The following TPRG1 variants were observed in gnomAD, a reference collection of about 807,000 sequenced individuals.
TPRG1 encodes the protein tumor protein p63-regulated gene 1 protein.
TPRG1 carries 29 observed loss-of-function variants against 29.3 expected under a neutral mutation model. The observed-to-expected ratio is 0.99, with a 90% CI of 0.74 to 1.35. TPRG1 has a LOEUF of 1.35. Ranked by LOEUF, TPRG1 falls within the 40% of genes most tolerant of loss-of-function variation. The pLI is 0.00. For missense variants in TPRG1, 327 were observed against 335.0 expected, an observed-to-expected ratio of 0.98 and a Z score of 0.19; for synonymous variants, 130 against 116.8, an observed-to-expected ratio of 1.11 and a Z score of -0.73.
rs184327383 is a variant in TPRG1 at position 189,022,913 on chromosome 3, C to G, written c.-659-837C>G. 1.6e-4 allele frequency among the ~76,000 whole-genome samples: 24 copies of G among 151,844 alleles called. No homozygotes were observed. The South Asian group carries it at 2.5e-3, about 16-fold the overall frequency. On this transcript the variant is annotated intron_variant, in intron 3 of 10. Coordinates refer to the TPRG1 transcript ENST00000433971. Reference sequence around the variant, plus strand: ...GGGTAGGACCCTCCGAGCCAGGTGCCGGATATAATCTCATGGTGCGCAGTT... The same window carrying G: ...GGGTAGGACCCTCCGAGCCAGGTGCGGGATATAATCTCATGGTGCGCAGTT...
chr3:189,223,842 A>T (rs976663006), intron 3 of TPRG1, among the ~76,000 whole-genome samples: 5 of 152,202 alleles, frequency 3.3e-5, no homozygotes, highest in Non-Finnish European at 7.3e-5. Flanking sequence ...TATGTCATGT[A>T]AGAGTTGGCT....
At chr3:189,126,693 T>C (rs1471909863) in intron 1 of TPRG1, among the ~76,000 whole-genome samples, 1 of 152,210 alleles carries the variant, frequency 6.6e-6, no homozygotes, top group Non-Finnish European at 1.5e-5. Context: ...ATCTACTCAT[T>C]GTTCAAATGG....
chr3:189,293,041 G>A (rs142818435), intron 4 of TPRG1, among the ~76,000 whole-genome samples: 1 of 152,296 alleles, frequency 6.6e-6, no homozygotes, highest in African/African-American at 2.4e-5. Context: ...GGCAACCTCC[G>A]TTTCAGAGCT....
intron 4 of TPRG1, among the ~76,000 whole-genome samples, chr3:189,303,692 A>G (rs1182645301): frequency 1.3e-5 from 2 of 152,230 alleles, no homozygotes; most frequent in East Asian, 3.8e-4. Flanking sequence ...AGTGGTTTCT[A>G]TGTACCTGGC....
chr3:189,221,968 G>A (rs1737004432), intron 3 of TPRG1, among the ~76,000 whole-genome samples: 1 of 111,120 alleles, frequency 9.0e-6, no homozygotes, highest in Non-Finnish European at 2.0e-5. Context: ...GCTGCCTTTT[G>A]TGATTTTTTT....
At chr3:189,225,027 G>A (rs1737514423) in intron 3 of TPRG1, among the ~76,000 whole-genome samples, 1 of 151,462 alleles carries the variant, frequency 6.6e-6, no homozygotes, top group African/African-American at 2.4e-5. Context: ...TGCCTCCTGG[G>A]TTCACGCCAT....
At chr3:189,152,831 TACCTG>T (rs1335582827) in intron 5 of TPRG1, among the ~76,000 whole-genome samples, 8 of 151,304 alleles carry the variant, frequency 5.3e-5, no homozygotes, top group African/African-American at 7.3e-5. Context: ...GTAGGATTGC[TACCTG>T]CCATTATTAT....
upstream of TPRG1, among the ~76,000 whole-genome samples, chr3:189,096,263 C>T (rs569154620): frequency 5.3e-5 from 8 of 152,192 alleles, no homozygotes; most frequent in Non-Finnish European, 1.2e-4. Context: ...CACCCCATCA[C>T]TACTGTCTTT....
At chr3:189,175,425 G>T (rs1271618503) in intron 1 of TPRG1, among the ~76,000 whole-genome samples, 1 of 152,236 alleles carries the variant, frequency 6.6e-6, no homozygotes, top group Admixed American at 6.5e-5. Flanking sequence ...GAGGCCAGAA[G>T]TCTGGGTCTT....
intron 4 of TPRG1, among the ~76,000 whole-genome samples, chr3:189,028,270 G>T (rs904062927): frequency 1.1e-4 from 16 of 152,202 alleles, no homozygotes; most frequent in Non-Finnish European, 2.1e-4. Context: ...TGCCCTATTT[G>T]CCACCCAAGA....
intron 3 of TPRG1, among the ~76,000 whole-genome samples, chr3:189,135,956 T>G (rs1341269620): frequency 6.6e-6 from 1 of 152,206 alleles, no homozygotes; most frequent in Non-Finnish European, 1.5e-5. Flanking sequence ...TCCCAGTACA[T>G]TGGCATAACC....
At chr3:189,193,060 G>T in intron 1 of TPRG1, among the ~76,000 whole-genome samples, 1 of 151,012 alleles carries the variant, frequency 6.6e-6, no homozygotes, top group African/African-American at 2.4e-5. Flanking sequence ...AGTCTTACAG[G>T]GATTCTCTTA....
chr3:189,107,189 C>A (rs1719926201), intron 1 of TPRG1, among the ~76,000 whole-genome samples: 1 of 151,998 alleles, frequency 6.6e-6, no homozygotes, highest in African/African-American at 2.4e-5. Flanking sequence ...GACTTCTTTT[C>A]TTTAGGTGAC....
At chr3:189,268,939 T>C (rs1576907012) in intron 4 of TPRG1, among the ~76,000 whole-genome samples, 1 of 152,224 alleles carries the variant, frequency 6.6e-6, no homozygotes, top group African/African-American at 2.4e-5. Context: ...TTTTCAAGCC[T>C]TGTCAATTTA....
chr3:189,273,923 T>C (rs1715654977), intron 4 of TPRG1, among the ~76,000 whole-genome samples: 1 of 152,194 alleles, frequency 6.6e-6, no homozygotes, highest in Admixed American at 6.6e-5. Context: ...CCCCCAGGTA[T>C]GTTGCCATTG....
At chr3:189,066,404 A>G (rs75248934) in intron 4 of TPRG1, among the ~76,000 whole-genome samples, 5,528 of 152,182 alleles carry the variant, frequency 0.036, 327 homozygotes, top group African/African-American at 0.13. Context: ...ATAAACATTG[A>G]GCAGAAATTC....
intron 1 of TPRG1, among the ~76,000 whole-genome samples, chr3:189,186,985 G>GTT (rs397875585): frequency 0.15 from 13,283 of 88,442 alleles, 1,982 homozygotes; most frequent in African/African-American, 0.25. Flanking sequence ...CATCTAAAGT[G>GTT]TTTTTTTTTT....
intron 3 of TPRG1, chr3:189,219,751 G>A: frequency 8.8e-7 from 1 of 1,134,230 alleles, no homozygotes; most frequent in Middle Eastern, 2.5e-4. Context: ...GTGAAGTGGT[G>A]GTGGGCGATT....
intron 3 of TPRG1, among the ~76,000 whole-genome samples, chr3:189,138,508 C>A (rs144500392): frequency 6.6e-6 from 1 of 152,300 alleles, no homozygotes; most frequent in Non-Finnish European, 1.5e-5. Context: ...GACCCAGGTT[C>A]CTTCCATCTT....
Sources: allele counts gnomAD v4.1 joint callset (sites outside exome capture counted in the v4.1 genomes callset), GRCh38; gene constraint gnomAD v4.1.1; transcripts MANE v1.5; gene names NCBI Gene and HGNC (gene_info 2026-07-23, HGNC 2026-07-21).